The following SAMD12 variants were observed in gnomAD, a reference collection of about 807,000 sequenced individuals.
The protein encoded by SAMD12 is sterile alpha motif domain containing 12.
A neutral mutation model predicts 15.0 loss-of-function variants in SAMD12; 9 were observed. That is an observed-to-expected ratio of 0.60 (90% CI 0.36 to 1.05). SAMD12 has a LOEUF of 1.05. Ranked by LOEUF, SAMD12 falls within the 50% of genes least tolerant of loss-of-function variation. SAMD12 has a pLI of 0.01. For missense variants in SAMD12, 230 were observed against 234.2 expected (o/e 0.98, Z 0.12); for synonymous variants, 86 against 90.1 (o/e 0.96, Z 0.25).
chr8:118,488,887 G>A (rs994226447), intron 2 of SAMD12, among the ~76,000 whole-genome samples: 60 of 152,158 alleles, frequency 3.9e-4, no homozygotes, highest in Non-Finnish European at 5.7e-4. Context: ...AGAATGCTTA[G>A]TCATAAGTTA....
chr8:118,245,263 A>G (rs1355986013), intron 4 of SAMD12, among the ~76,000 whole-genome samples: 1 of 152,158 alleles, frequency 6.6e-6, no homozygotes, highest in African/African-American at 2.4e-5. Context: ...TTCTGTGATT[A>G]GACACTGAGG....
At position 118,378,989 on chromosome 8, in the gene SAMD12, G is replaced by A. The variant is rs1341895804; in HGVS notation, c.*428C>T. On this transcript the variant is annotated 3_prime_UTR_variant, in exon 4 of 4. Transcript: ENST00000314727. ...ATTCCACTTTCAAGAAGCTAAATGGGGTTCTTACAATCTCTAAAGTGTGTG... is the reference window on the plus strand; with the variant it reads ...ATTCCACTTTCAAGAAGCTAAATGGAGTTCTTACAATCTCTAAAGTGTGTG... 1.0e-6 allele frequency: 1 copy of A among 974,586 alleles called. No individual in the cohort carries two copies. The highest frequency in any genetic ancestry group is 1.2e-6 in the Non-Finnish European group (1 of 817,576). 60.4% of individuals were successfully genotyped at this position (974,586 alleles called of 1,614,324 possible). A position where few individuals can be genotyped will look rare whatever the true frequency, so the allele number is the denominator to read the frequency against.
At chr8:118,580,009 G>A (rs1253736035) in intron 2 of SAMD12, among the ~76,000 whole-genome samples, 1 of 152,110 alleles carries the variant, frequency 6.6e-6, no homozygotes, top group Admixed American at 6.6e-5. Context: ...CTTCACCAAT[G>A]CCTATTTTGT....
intron 2 of SAMD12, among the ~76,000 whole-genome samples, chr8:118,460,574 C>T (rs1823387230): frequency 6.6e-6 from 1 of 152,102 alleles, no homozygotes; most frequent in African/African-American, 2.4e-5. Context: ...AGGAGATAGA[C>T]AAACAGGGTA....
At chr8:118,206,219 G>C (rs963758152) in intron 4 of SAMD12, among the ~76,000 whole-genome samples, 12 of 152,298 alleles carry the variant, frequency 7.9e-5, no homozygotes, top group African/African-American at 2.9e-4. Flanking sequence ...TCATAGCCTT[G>C]AGAATTCACA....
chr8:118,364,161 C>A (rs901988030), intron 4 of SAMD12, among the ~76,000 whole-genome samples: 6 of 152,114 alleles, frequency 3.9e-5, no homozygotes, highest in Non-Finnish European at 8.8e-5. Flanking sequence ...GGAGGTAGTA[C>A]CATGATAACT....
At chr8:118,605,217 A>G (rs1390514212) in intron 1 of SAMD12, among the ~76,000 whole-genome samples, 1 of 152,234 alleles carries the variant, frequency 6.6e-6, no homozygotes, top group Admixed American at 6.5e-5. Flanking sequence ...TACCTTTTCA[A>G]ACTTGGACAG....
intron 1 of SAMD12, among the ~76,000 whole-genome samples, chr8:118,612,653 T>C (rs555857053): frequency 6.6e-6 from 1 of 152,338 alleles, no homozygotes; most frequent in African/African-American, 2.4e-5. Context: ...GGAAAACCGC[T>C]CAGCAGTTTC....
chr8:118,455,267 ACC>A (rs1823211790), intron 2 of SAMD12, among the ~76,000 whole-genome samples: 2 of 70,002 alleles, frequency 2.9e-5, no homozygotes, highest in African/African-American at 1.1e-4. Context: ...TGGCTTTCAC[ACC>A]TCTCTCTCTC....
chr8:118,325,452 A>G (rs1816521263), intron 4 of SAMD12, among the ~76,000 whole-genome samples: 2 of 152,224 alleles, frequency 1.3e-5, no homozygotes, highest in Non-Finnish European at 2.9e-5. Flanking sequence ...TATAATTGAC[A>G]AGTAAAAATG....
At chr8:118,194,854 C>T (rs967287462) in exon 5 of SAMD12, 7 of 152,152 alleles carry the variant, frequency 4.6e-5, no homozygotes, top group African/African-American at 1.4e-4. Flanking sequence ...AGTCATTCCT[C>T]TTTTTTGCTG....
chr8:118,167,343 C>T, the SAMD12 span, among the ~76,000 whole-genome samples: 54 of 152,172 alleles, frequency 3.5e-4, 1 homozygote, highest in Middle Eastern at 0.01. Context: ...GACTTGTAAG[C>T]AAGAGGAATG....
At chr8:118,232,716 A>T (rs929016758) in intron 4 of SAMD12, among the ~76,000 whole-genome samples, 2 of 152,048 alleles carry the variant, frequency 1.3e-5, no homozygotes, top group Non-Finnish European at 2.9e-5. Flanking sequence ...AGGGTGAGAA[A>T]GGGAGGCAAA....
chr8:118,336,146 T>C (rs1003485032), intron 4 of SAMD12, among the ~76,000 whole-genome samples: 1 of 152,202 alleles, frequency 6.6e-6, no homozygotes, highest in Non-Finnish European at 1.5e-5. Context: ...AGTCACATGA[T>C]CAGAGAGTGA....
chr8:118,570,745 T>C (rs968516600), intron 2 of SAMD12, among the ~76,000 whole-genome samples: 3 of 152,174 alleles, frequency 2.0e-5, no homozygotes. Context: ...CCGGGTCATA[T>C]GGTTTGGCTG....
chr8:118,545,070 T>C (rs1826085589), intron 2 of SAMD12, among the ~76,000 whole-genome samples: 1 of 152,172 alleles, frequency 6.6e-6, no homozygotes. Flanking sequence ...CTCAGTCAAA[T>C]AACTACAAGT....
intron 4 of SAMD12, among the ~76,000 whole-genome samples, chr8:118,347,340 A>T (rs934444310): frequency 2.0e-5 from 3 of 152,246 alleles, no homozygotes; most frequent in Non-Finnish European, 4.4e-5. Flanking sequence ...CAAACAGTTC[A>T]GGCACAGTGA....
In SAMD12 at chr8:118,480,922, T is replaced by C. The variant is rs146344938; in HGVS notation, c.193-40961A>G. On this transcript the variant is annotated intron_variant, in intron 2 of 3. Transcript: ENST00000314727. ...CCATTGATCTTGGCAAAATAATTTA[T>C]TCTCATCTTTCAAGCCTCAGTTTAT... Among the ~76,000 whole-genome samples, 890 of 152,214 alleles carry C rather than the reference T, an allele frequency of 5.8e-3. 5 individuals carry two copies. Among genetic ancestry groups the C allele is most frequent in the African/African-American group, 0.02 (842 of 41,538 alleles).
At chr8:118,370,271 A>G (rs1819014354) in intron 4 of SAMD12, among the ~76,000 whole-genome samples, 1 of 152,194 alleles carries the variant, frequency 6.6e-6, no homozygotes, top group Non-Finnish European at 1.5e-5. Flanking sequence ...GATTATTACA[A>G]AGTCAAGAAA....
Sources: allele counts gnomAD v4.1 joint callset (sites outside exome capture counted in the v4.1 genomes callset), GRCh38; gene constraint gnomAD v4.1.1; transcripts MANE v1.5; gene names NCBI Gene and HGNC (gene_info 2026-07-23, HGNC 2026-07-21).